Variants in NRF1 observed in about 807,000 individuals in gnomAD.
NRF1 encodes the protein alpha palindromic-binding protein.
In NRF1, 5 loss-of-function variants were observed where a neutral mutation model predicts 58.5. The ratio of observed to expected loss-of-function variants is 0.09; its 90% CI spans 0.04 to 0.18. The LOEUF is 0.18. Among genes scored for constraint, NRF1 ranks in the 10% least tolerant of loss-of-function variants. The pLI, the probability that NRF1 is intolerant of heterozygous loss-of-function variation, is 1.00. For missense variants in NRF1, 288 were observed against 657.7 expected (o/e 0.44, Z 6.15); for synonymous variants, 224 against 246.7 (o/e 0.91, Z 0.86).
chr7:129,657,792 T>C (rs901120231), intron 2 of NRF1, among the ~76,000 whole-genome samples: 1 of 152,074 alleles, frequency 6.6e-6, no homozygotes, highest in Non-Finnish European at 1.5e-5. Context: ...GTATATTTTG[T>C]AGAGACAGAA....
intron 10 of NRF1, among the ~76,000 whole-genome samples, chr7:129,729,802 T>C (rs1020415048): frequency 6.6e-6 from 1 of 152,236 alleles, no homozygotes; most frequent in African/African-American, 2.4e-5. Context: ...TTCTTTCGGA[T>C]TCTGTCCTGT....
In NRF1 at chr7:129,690,470, C is replaced by T. The variant is rs1427559401; in HGVS notation, c.530C>T (p.Ala177Val). The T allele has an allele frequency of 7.4e-6, 12 of 1,614,020 alleles. No individual in the cohort carries two copies. The highest frequency in any genetic ancestry group is 2.2e-5 in the East Asian group (1 of 44,888). The part of the protein sequence containing the change: ...LESALAEHAP[A>V]PQEVNSELPP... Reference sequence around the variant, plus strand: ...TCTGCTCTGGCAGAACACGCCCCTGCGCCACAGGAGGTTAACTCAGAACTG... The same window carrying T: ...TCTGCTCTGGCAGAACACGCCCCTGTGCCACAGGAGGTTAACTCAGAACTG... Residue 177 changes from alanine (A) to valine (V), a missense_variant, in exon 5 of 11, where the codon GCG (alanine) becomes GTG (valine). Transcript: ENST00000393232.
chr7:129,652,076 A>G (rs569917821), intron 1 of NRF1, among the ~76,000 whole-genome samples: 3 of 152,352 alleles, frequency 2.0e-5, no homozygotes, highest in Admixed American at 1.3e-4. Flanking sequence ...GAATAAAGAC[A>G]TAGCAGGATT....
intron 1 of NRF1, among the ~76,000 whole-genome samples, chr7:129,625,607 C>T (rs993909105): frequency 6.6e-6 from 1 of 150,888 alleles, no homozygotes; most frequent in Non-Finnish European, 1.5e-5. Context: ...CTCGGGCAGT[C>T]TTCCTGTGTT....
intron 8 of NRF1, among the ~76,000 whole-genome samples, chr7:129,714,725 T>G (rs1803148841): frequency 6.6e-6 from 1 of 152,184 alleles, no homozygotes; most frequent in African/African-American, 2.4e-5. Flanking sequence ...CGAAGGTAAC[T>G]CAAAGGAATG....
chr7:129,699,973 A>AC (rs1423653869), intron 5 of NRF1, among the ~76,000 whole-genome samples: 6 of 17,938 alleles, frequency 3.3e-4, no homozygotes, highest in East Asian at 1.6e-3. Flanking sequence ...CCCCGTCTCC[A>AC]CTAAAAAAAA....
intron 4 of NRF1, among the ~76,000 whole-genome samples, chr7:129,689,517 A>T (rs1378882841): frequency 2.0e-5 from 3 of 152,160 alleles, no homozygotes; most frequent in Non-Finnish European, 4.4e-5. Flanking sequence ...GTATTCTCCT[A>T]AGTGAATGAA....
At chr7:129,712,480 C>A (rs902999396) in intron 8 of NRF1, among the ~76,000 whole-genome samples, 1 of 152,180 alleles carries the variant, frequency 6.6e-6, no homozygotes, top group African/African-American at 2.4e-5. Context: ...ATTTGTGCCC[C>A]TCAGGAGAGG....
intron 5 of NRF1, among the ~76,000 whole-genome samples, chr7:129,700,831 A>G (rs1447536324): frequency 6.6e-6 from 1 of 152,164 alleles, no homozygotes; most frequent in Non-Finnish European, 1.5e-5. Flanking sequence ...TGGTAGGATC[A>G]CTTGAGCCCA....
intron 2 of NRF1, among the ~76,000 whole-genome samples, chr7:129,668,209 C>T (rs1801965179): frequency 1.3e-5 from 2 of 152,092 alleles, no homozygotes; most frequent in African/African-American, 4.8e-5. Flanking sequence ...CTTTCTGACA[C>T]AGGAGGATGT....
At chr7:129,738,647 GTTT>G (rs956144077) in intron 10 of NRF1, among the ~76,000 whole-genome samples, 3 of 151,846 alleles carry the variant, frequency 2.0e-5, no homozygotes, top group Non-Finnish European at 4.4e-5. Context: ...CTTTCATTTT[GTTT>G]TTTTACTACT....
At chr7:129,662,025 A>G (rs975082856) in intron 2 of NRF1, among the ~76,000 whole-genome samples, 3 of 150,586 alleles carry the variant, frequency 2.0e-5, no homozygotes, top group African/African-American at 7.5e-5. Flanking sequence ...AGAGTGAGAG[A>G]GCTTGTGCAG....
intron 5 of NRF1, among the ~76,000 whole-genome samples, chr7:129,697,729 T>TTTTTTTG (rs2116145435): frequency 6.6e-6 from 1 of 150,468 alleles, no homozygotes; most frequent in African/African-American, 2.4e-5. Context: ...AACATTTACT[T>TTTTTTTG]TTTTTGTTTT....
intron 5 of NRF1, among the ~76,000 whole-genome samples, chr7:129,695,481 C>G (rs1802667234): frequency 1.3e-5 from 2 of 150,866 alleles, no homozygotes; most frequent in Non-Finnish European, 2.9e-5. Flanking sequence ...GAGGCTGAGG[C>G]AGAAGAATCG....
At chr7:129,694,246 T>C (rs775841124) in intron 5 of NRF1, among the ~76,000 whole-genome samples, 1 of 152,220 alleles carries the variant, frequency 6.6e-6, no homozygotes, top group African/African-American at 2.4e-5. Flanking sequence ...CAGCTCCCAA[T>C]TGAATGGGAA....
intron 9 of NRF1, among the ~76,000 whole-genome samples, chr7:129,725,637 T>A (rs1334072376): frequency 3.3e-5 from 5 of 152,156 alleles, no homozygotes; most frequent in Non-Finnish European, 7.4e-5. Context: ...TTATCTTATC[T>A]TTTTGAAGTT....
At position 129,657,569 on chromosome 7, in the gene NRF1, CTG is replaced by C; in HGVS notation, c.219_220del (p.Ala74ArgfsTer24). 1 of 1,601,366 alleles carries C rather than the reference CTG, an allele frequency of 6.2e-7. No individual in the cohort carries two copies. Among genetic ancestry groups the C allele is most frequent in the Non-Finnish European group, 8.6e-7 (1 of 1,169,340 alleles). On this transcript the variant is annotated frameshift_variant, in exon 2 of 11. Transcript: ENST00000393232. LOFTEE classifies it high-confidence loss of function. ...GATGAGGTGACAGCTCATCTGGCAG[CTG>C]CAGGTAGTGTTGTTTGGATTAGAAG...
chr7:129,615,076 A>C (rs1450091381), intron 1 of NRF1, among the ~76,000 whole-genome samples: 1 of 152,232 alleles, frequency 6.6e-6, no homozygotes, highest in Non-Finnish European at 1.5e-5. Context: ...TAATTACTGA[A>C]ATTAAAATTT....
intron 10 of NRF1, among the ~76,000 whole-genome samples, chr7:129,734,614 C>G (rs928057537): frequency 6.6e-6 from 1 of 152,218 alleles, no homozygotes; most frequent in Non-Finnish European, 1.5e-5. Context: ...TGCACACACA[C>G]AGGCTTGCCT....
Sources: gnomAD v4.1 joint callset for allele counts (sites outside exome capture counted in the v4.1 genomes callset) on GRCh38, gnomAD v4.1.1 for gene constraint, MANE v1.5 for transcripts, NCBI Gene and HGNC (gene_info 2026-07-23, HGNC 2026-07-21) for gene names.